The following MED15 variants were observed in gnomAD, a reference collection of about 807,000 sequenced individuals.
MED15 encodes the protein mediator complex subunit 15.
Under a neutral mutation model 118.7 loss-of-function variants are expected in MED15, and 41 were observed. The observed-to-expected ratio is 0.35, with a 90% CI of 0.27 to 0.45. The LOEUF is 0.45. MED15 is among the 20% of genes least tolerant of loss of function. MED15 has a pLI of 1.00. For missense variants in MED15, 740 were observed against 1,025.5 expected, an observed-to-expected ratio of 0.72 and a Z score of 3.80; for synonymous variants, 436 against 413.9, an observed-to-expected ratio of 1.05 and a Z score of -0.65.
At chr22:20,564,742 G>GGCTGGCATCAGCCACAAT in intron 6 of MED15, 54 bp downstream of exon 6, 1 of 1,607,598 alleles carries the variant, frequency 6.2e-7, no homozygotes, top group Non-Finnish European at 8.5e-7. Flanking sequence ...GTGAGCCCTG[G>GGCTGGCATCAGCCACAAT]GCTGGCATCA....
rs541986291 is a variant in MED15 at position 20,567,701 on chromosome 22, C to T, written c.1042-820C>T. Among the ~76,000 whole-genome samples, 25 of 151,978 alleles carry T rather than the reference C, an allele frequency of 1.6e-4. No homozygotes were observed. In the East Asian group the frequency reaches 3.9e-3, roughly 24 times the overall value. On this transcript the variant is annotated intron_variant, in intron 7 of 17. Transcript: ENST00000263205. ...GCTTGGAGATGTCTAAGGAAGAGCCCGCTGCATGTTGGAATGTGCCCTGGC... is the reference window on the plus strand; with the variant it reads ...GCTTGGAGATGTCTAAGGAAGAGCCTGCTGCATGTTGGAATGTGCCCTGGC...
intron 1 of MED15, 90 bp downstream of exon 1, chr22:20,507,836 A>G (rs967322947): frequency 2.9e-5 from 45 of 1,566,202 alleles, no homozygotes; most frequent in Middle Eastern, 1.7e-4. Flanking sequence ...TGAGAAACCT[A>G]CGGCGCCGGG....
At position 20,564,505 on chromosome 22, in the gene MED15, C is replaced by CCAGCAGCAGCAGCAGGCGGCGCTACAG; in HGVS notation, c.523_549dup (p.Ala175_Gln183dup). On this transcript the variant is annotated inframe_insertion, in exon 6 of 18. Coordinates refer to ENST00000263205, the MANE Select transcript of MED15 (RefSeq NM_001003891.3). ...AGCAGCAGCAGCAACAGCAGCAGTT[C>CCAGCAGCAGCAGCAGGCGGCGCTACAG]CAGCAGCAGCAGCAGGCGGCGCTAC... 3 of 1,600,258 alleles carry CCAGCAGCAGCAGCAGGCGGCGCTACAG rather than the reference C, an allele frequency of 1.9e-6. No individual in the cohort carries two copies. The highest frequency in any genetic ancestry group is 2.6e-6 in the Non-Finnish European group (3 of 1,169,352).
At chr22:20,530,864 T>G (rs772778328) in intron 1 of MED15, among the ~76,000 whole-genome samples, 13 of 152,194 alleles carry the variant, frequency 8.5e-5, no homozygotes, top group Non-Finnish European at 1.6e-4. Flanking sequence ...TGGGCCATCG[T>G]CTGCTGAGGA....
chr22:20,568,553 AGTGCAGCCCCAG>A lies in MED15; in HGVS notation c.1082_1093del (p.Pro361_Gln364del). On this transcript the variant is annotated inframe_deletion, in exon 8 of 18. Transcript: ENST00000263205. ...CTCCGATGGTGGTGCAGCAGCCCCC[AGTGCAGCCCCAG>A]GTGCAGCAGCAGCAGACAGCAGTAC... is the stretch of plus-strand genomic sequence containing the variant. 6.2e-7 allele frequency: 1 copy of A among 1,613,852 alleles called. No homozygotes were observed. Among genetic ancestry groups the A allele is most frequent in the Non-Finnish European group, 8.5e-7 (1 of 1,179,996 alleles).
In MED15 at chr22:20,512,280, G is replaced by A. The variant is rs1036677863; in HGVS notation, c.68+4534G>A. ...TGGGATTACAGATGTGAGCTACTAT[G>A]CCTGGCCCCTGAGCTCTTTCTTTTT... On this transcript the variant is annotated intron_variant, in intron 1 of 17. Transcript: ENST00000263205. Among the ~76,000 whole-genome samples the A allele has an allele frequency of 2.0e-5, 3 of 151,996 alleles. No homozygotes were observed. The East Asian group carries it at 5.8e-4, about 29-fold the overall frequency.
At position 20,550,322 on chromosome 22, in the gene MED15, G is replaced by A. The variant is rs566365014; in HGVS notation, c.157-1114G>A. ...TGTCCCCTTGTTCTGGCCAGGCCTC[G>A]CTGCTTATCCCAGCTTTTCCTCTCC... On this transcript the variant is annotated intron_variant, in intron 2 of 17. Transcript: ENST00000263205. Among the ~76,000 whole-genome samples, 13 of 152,278 alleles carry A rather than the reference G, an allele frequency of 8.5e-5. 1 individual carries two copies. Among genetic ancestry groups the A allele is most frequent in the Admixed American group, 6.5e-4 (10 of 15,298 alleles).
At chr22:20,575,741 T>C (rs555762339) in intron 9 of MED15, among the ~76,000 whole-genome samples, 1 of 149,432 alleles carries the variant, frequency 6.7e-6, no homozygotes, top group South Asian at 2.1e-4. Context: ...GGAAAATATA[T>C]ATATAAATGT....
chr22:20,542,387 C>T (rs1320564525), intron 2 of MED15, among the ~76,000 whole-genome samples: 2 of 152,138 alleles, frequency 1.3e-5, no homozygotes, highest in African/African-American at 4.8e-5. Context: ...TATCATGTGG[C>T]CACACGAAGC....
At chr22:20,563,185 CAG>C (rs1465160941) in intron 5 of MED15, among the ~76,000 whole-genome samples, 1 of 152,178 alleles carries the variant, frequency 6.6e-6, no homozygotes, top group Non-Finnish European at 1.5e-5. Flanking sequence ...TGCAACTCAG[CAG>C]TTACACTCTT....
intron 1 of MED15, 29 bp from the exon 2 acceptor site, chr22:20,537,088 C>A: frequency 4.4e-6 from 7 of 1,605,110 alleles, no homozygotes; most frequent in Non-Finnish European, 6.0e-6. Context: ...CTGGTGTGTG[C>A]AAACGTCTCT....
chr22:20,574,967 C>G, intron 8 of MED15, 146 bp from the exon 9 acceptor site: 1 of 1,170,352 alleles, frequency 8.5e-7, no homozygotes, highest in Non-Finnish European at 1.2e-6. Flanking sequence ...TGTGGGTGGC[C>G]TCCCCTCCCA....
At position 20,585,216 on chromosome 22, in the gene MED15, G is replaced by C. The variant is rs1317294619; in HGVS notation, c.2080G>C (p.Asp694His). ...GGACCCCAAGTTCCTGGTAAACCTG[G>C]ACCCTTCTCACTGCAGCAACAATGG... Reference protein sequence around the residue: ...RLDPKFLVNLDPSHCSNNGTV... With the variant: ...RLDPKFLVNLHPSHCSNNGTV... Residue 694 changes from aspartate (D) to histidine (H), a missense_variant, in exon 16 of 18, where the codon GAC becomes CAC. Transcript: ENST00000263205. The C allele has an allele frequency of 6.2e-7, 1 of 1,613,618 alleles. No homozygotes were observed. The highest frequency in any genetic ancestry group is 1.1e-5 in the South Asian group (1 of 91,086).
chr22:20,544,488 A>C (rs1601537098), intron 2 of MED15, among the ~76,000 whole-genome samples: 1 of 151,832 alleles, frequency 6.6e-6, no homozygotes, highest in African/African-American at 2.4e-5. Context: ...ACATGGTGAA[A>C]CCCCCGTCTC....
intron 2 of MED15, among the ~76,000 whole-genome samples, chr22:20,546,512 T>TG (rs1276471426): frequency 1.3e-4 from 19 of 143,856 alleles, no homozygotes; most frequent in African/African-American, 4.8e-4. Flanking sequence ...GTTTTTTTTG[T>TG]TTTTTTTTTT....
chr22:20,540,737 C>A (rs140548641), intron 2 of MED15, among the ~76,000 whole-genome samples: 2,598 of 152,120 alleles, frequency 0.017, 43 homozygotes, highest in Middle Eastern at 0.027. Context: ...CTACAAAAAA[C>A]GTAGATAAAT....
intron 5 of MED15, among the ~76,000 whole-genome samples, chr22:20,560,021 T>G (rs2056172166): frequency 6.6e-6 from 1 of 152,148 alleles, no homozygotes; most frequent in South Asian, 2.1e-4. Flanking sequence ...GGAGACATTT[T>G]GGGATGTCAC....
chr22:20,535,219 A>G (rs778246697), intron 1 of MED15, among the ~76,000 whole-genome samples: 2 of 152,106 alleles, frequency 1.3e-5, no homozygotes, highest in Non-Finnish European at 2.9e-5. Flanking sequence ...CGGCCTCCCA[A>G]AGTGCTGGGA....
intron 1 of MED15, among the ~76,000 whole-genome samples, chr22:20,531,586 C>T (rs1172357397): frequency 6.6e-6 from 1 of 152,256 alleles, no homozygotes; most frequent in Non-Finnish European, 1.5e-5. Flanking sequence ...ACTGCCAGGA[C>T]GTGCCTGTTT....
Sources: allele counts gnomAD v4.1 joint callset (sites outside exome capture counted in the v4.1 genomes callset), GRCh38; gene constraint gnomAD v4.1.1; transcripts MANE v1.5; gene names NCBI Gene and HGNC (gene_info 2026-07-23, HGNC 2026-07-21).